PRKCE: variants seen among roughly 807,000 people sequenced by gnomAD.
PRKCE encodes the protein protein kinase C epsilon type.
Under a neutral mutation model 85.4 loss-of-function variants are expected in PRKCE, and 16 were observed. The observed-to-expected ratio is 0.19, with a 90% CI of 0.13 to 0.28. PRKCE has a LOEUF of 0.28. Among genes scored for constraint, PRKCE ranks in the 10% least tolerant of loss-of-function variants. The pLI is 1.00. For synonymous variants in PRKCE, 388 were observed against 371.5 expected, an observed-to-expected ratio of 1.04 and a Z score of -0.51; for missense variants, 573 against 975.2, an observed-to-expected ratio of 0.59 and a Z score of 5.49.
At chr2:45,939,171 G>A (rs1267510339) in intron 2 of PRKCE, among the ~76,000 whole-genome samples, 1 of 152,214 alleles carries the variant, frequency 6.6e-6, no homozygotes, top group African/African-American at 2.4e-5. Flanking sequence ...GAGTCACTTG[G>A]AGGCTTCAAT....
At chr2:45,919,311 C>T (rs771262672) in intron 2 of PRKCE, among the ~76,000 whole-genome samples, 16 of 152,180 alleles carry the variant, frequency 1.1e-4, no homozygotes, top group East Asian at 5.8e-4. Context: ...TGGGCTGGGC[C>T]GTGGACTCTG....
chr2:45,776,305 G>T (rs1050677912), intron 1 of PRKCE, among the ~76,000 whole-genome samples: 34 of 152,152 alleles, frequency 2.2e-4, no homozygotes, highest in Non-Finnish European at 4.4e-4. Flanking sequence ...CATTTTCCTT[G>T]AGGTCAGGGA....
At chr2:46,078,050 C>T (rs1668709297) in intron 10 of PRKCE, 1 of 152,108 alleles carries the variant, frequency 6.6e-6, no homozygotes, top group Admixed American at 6.5e-5. Context: ...TGTGTTTCTA[C>T]CAAGGAAGTG....
intron 1 of PRKCE, among the ~76,000 whole-genome samples, chr2:45,693,732 G>A (rs1460752758): frequency 6.6e-6 from 1 of 152,188 alleles, no homozygotes; most frequent in African/African-American, 2.4e-5. Flanking sequence ...TAAGGCAGTC[G>A]GGGTGGACCG....
In PRKCE at chr2:45,965,567, G is replaced by T. The variant is rs970910267; in HGVS notation, c.413-10862G>T. ...AATCACTGTACTCTGGACTATCATG[G>T]CAATTTCTTGCTTTGTTAGCAGAGA... On this transcript the variant is annotated intron_variant, in intron 2 of 14. Coordinates refer to ENST00000306156, the MANE Select transcript of PRKCE (RefSeq NM_005400.3). Among the ~76,000 whole-genome samples, 3 of 152,182 alleles carry T rather than the reference G, an allele frequency of 2.0e-5. No individual in the cohort carries two copies. The East Asian group carries it at 5.8e-4, about 29-fold the overall frequency.
intron 2 of PRKCE, among the ~76,000 whole-genome samples, chr2:45,951,026 T>G (rs1700585221): frequency 6.6e-6 from 1 of 152,144 alleles, no homozygotes; most frequent in African/African-American, 2.4e-5. Flanking sequence ...CAGTCATGAC[T>G]GTGAATTGCA....
At chr2:45,996,369 T>A (rs2104690807) in intron 6 of PRKCE, among the ~76,000 whole-genome samples, 1 of 152,330 alleles carries the variant, frequency 6.6e-6, no homozygotes, top group East Asian at 1.9e-4. Context: ...TTTCTTGTCT[T>A]ACTGCATTAG....
At chr2:46,018,596 A>G (rs549100549) in intron 10 of PRKCE, among the ~76,000 whole-genome samples, 4 of 152,332 alleles carry the variant, frequency 2.6e-5, no homozygotes, top group African/African-American at 9.6e-5. Flanking sequence ...AATCACAAAG[A>G]TTATTTATTA....
intron 1 of PRKCE, among the ~76,000 whole-genome samples, chr2:45,756,738 C>T (rs144058192): frequency 6.6e-6 from 1 of 152,110 alleles, no homozygotes; most frequent in East Asian, 1.9e-4. Context: ...TTATATGATT[C>T]CATTCATATA....
chr2:45,736,515 A>T (rs1682074277), intron 1 of PRKCE, among the ~76,000 whole-genome samples: 1 of 152,194 alleles, frequency 6.6e-6, no homozygotes, highest in African/African-American at 2.4e-5. Context: ...GACGTGGAGC[A>T]GTCACCTCTT....
At chr2:45,685,620 G>A (rs1169962131) in intron 1 of PRKCE, 1 of 150,684 alleles carries the variant, frequency 6.6e-6, no homozygotes, top group Admixed American at 6.6e-5. Flanking sequence ...TGAGACCCCA[G>A]CTCCAAAAAA....
chr2:45,804,122 G>A (rs1688071999), intron 1 of PRKCE, among the ~76,000 whole-genome samples: 2 of 152,202 alleles, frequency 1.3e-5, no homozygotes, highest in Admixed American at 1.3e-4. Context: ...TGAGTGTCTT[G>A]CCTGCCAGGA....
At chr2:46,009,034 T>C (rs1194617560) in intron 9 of PRKCE, among the ~76,000 whole-genome samples, 2 of 152,262 alleles carry the variant, frequency 1.3e-5, no homozygotes, top group Admixed American at 1.3e-4. Flanking sequence ...ATTGGAATAC[T>C]GTACTTAGGA....
At position 45,975,192 on chromosome 2, in the gene PRKCE, GT is replaced by G. The variant is rs370970712; in HGVS notation, c.413-1235del. Among the ~76,000 whole-genome samples the G allele has an allele frequency of 4.8e-3, 732 of 152,316 alleles. 5 individuals carry two copies. The highest frequency in any genetic ancestry group is 0.017 in the African/African-American group (694 of 41,568). On this transcript the variant is annotated intron_variant, in intron 2 of 14. Coordinates refer to ENST00000306156, the MANE Select transcript of PRKCE (RefSeq NM_005400.3). ...CTAATAGCAGTACCCTTCAAGTGGA[GT>G]TGTTTCGAGGGTTCATTGAGATGTA...
At chr2:45,900,803 T>C (rs894184027) in intron 2 of PRKCE, among the ~76,000 whole-genome samples, 1 of 152,252 alleles carries the variant, frequency 6.6e-6, no homozygotes, top group Admixed American at 6.5e-5. Context: ...TCTTTTTAAA[T>C]GTAATTGATT....
chr2:45,748,443 C>G (rs933315328), intron 1 of PRKCE, among the ~76,000 whole-genome samples: 6 of 152,212 alleles, frequency 3.9e-5, no homozygotes. Flanking sequence ...TTGCTCATCA[C>G]TCTTCTTCTC....
chr2:45,908,301 G>A (rs997458268), intron 2 of PRKCE, among the ~76,000 whole-genome samples: 4 of 152,182 alleles, frequency 2.6e-5, no homozygotes, highest in Non-Finnish European at 4.4e-5. Flanking sequence ...AGCAAGTGCT[G>A]AAGAGGCAGC....
chr2:45,888,568 A>G (rs1409141786), intron 2 of PRKCE, among the ~76,000 whole-genome samples: 3 of 139,076 alleles, frequency 2.2e-5, no homozygotes, highest in Non-Finnish European at 3.0e-5. Flanking sequence ...CTCCTGCCTC[A>G]GCCTCCCCAG....
At chr2:45,802,328 A>G (rs922853941) in intron 1 of PRKCE, among the ~76,000 whole-genome samples, 9 of 152,182 alleles carry the variant, frequency 5.9e-5, no homozygotes, top group African/African-American at 1.9e-4. Flanking sequence ...CATTTTTCCA[A>G]CTTTCAATTT....
Sources: allele counts gnomAD v4.1 joint callset (sites outside exome capture counted in the v4.1 genomes callset), GRCh38; gene constraint gnomAD v4.1.1; transcripts MANE v1.5; gene names NCBI Gene and HGNC (gene_info 2026-07-23, HGNC 2026-07-21).